SUN3: variants seen among roughly 807,000 people sequenced by gnomAD.
SUN3 encodes SUN domain-containing protein 3.
In SUN3, 36 loss-of-function variants were observed where a neutral mutation model predicts 48.2. That is an observed-to-expected ratio of 0.75 (90% CI 0.57 to 0.99). SUN3 has a LOEUF of 0.99. Among genes scored for constraint, SUN3 ranks in the 50% least tolerant of loss-of-function variants. SUN3 has a pLI of 0.00. For missense variants in SUN3, 419 were observed against 433.1 expected, an observed-to-expected ratio of 0.97 and a Z score of 0.29; for synonymous variants, 148 against 147.9, an observed-to-expected ratio of 1.00 and a Z score of 0.00.
chr7:47,991,967 A>C (rs1230955833), intron 8 of SUN3, among the ~76,000 whole-genome samples: 1 of 152,028 alleles, frequency 6.6e-6, no homozygotes, highest in Non-Finnish European at 1.5e-5. Flanking sequence ...AGAACCGCCC[A>C]CAAGAGCATG....
At chr7:48,014,926 C>T in intron 3 of SUN3, among the ~76,000 whole-genome samples, 1 of 152,102 alleles carries the variant, frequency 6.6e-6, no homozygotes, top group East Asian at 1.9e-4. Flanking sequence ...GAATCTCATT[C>T]TTTATTCTTA....
intron 5 of SUN3, among the ~76,000 whole-genome samples, chr7:48,006,257 T>A (rs1789522583): frequency 6.6e-6 from 1 of 151,886 alleles, no homozygotes; most frequent in Non-Finnish European, 1.5e-5. Flanking sequence ...AGGAATACGG[T>A]GTAAATAAAG....
upstream of SUN3, among the ~76,000 whole-genome samples, chr7:48,030,005 T>C (rs1001471532): frequency 6.6e-6 from 1 of 152,102 alleles, no homozygotes; most frequent in African/African-American, 2.4e-5. Flanking sequence ...ACTCAGAGAG[T>C]CTTTTCAATT....
At chr7:48,004,180 T>A (rs1344082113) in intron 6 of SUN3, among the ~76,000 whole-genome samples, 3 of 152,206 alleles carry the variant, frequency 2.0e-5, no homozygotes, top group Non-Finnish European at 4.4e-5. Flanking sequence ...AATTCCAACA[T>A]CTGTGTCATG....
chr7:48,010,493 T>A (rs951799789), intron 3 of SUN3, among the ~76,000 whole-genome samples: 1 of 152,220 alleles, frequency 6.6e-6, no homozygotes, highest in Non-Finnish European at 1.5e-5. Flanking sequence ...GGCAGTATCT[T>A]TGACTATGTG....
chr7:48,005,428 C>T (rs11766891), intron 6 of SUN3, among the ~76,000 whole-genome samples: 51,771 of 152,082 alleles, frequency 0.34, 9,650 homozygotes, highest in Middle Eastern at 0.53. Flanking sequence ...TATTTCCATT[C>T]TCCTTCTGTC....
At chr7:47,988,572 A>G (rs1788963050) in intron 9 of SUN3, among the ~76,000 whole-genome samples, 1 of 152,234 alleles carries the variant, frequency 6.6e-6, no homozygotes, top group Admixed American at 6.5e-5. Context: ...ATAGCAGATG[A>G]GGAAGAATTT....
At chr7:48,005,926 C>CTT in intron 6 of SUN3, 43 bp downstream of exon 6, 50 of 1,110,446 alleles carry the variant, frequency 4.5e-5, no homozygotes, top group South Asian at 7.9e-5. Flanking sequence ...CTGAAGCATT[C>CTT]TTTTTTTTTT....
intron 3 of SUN3, among the ~76,000 whole-genome samples, chr7:48,013,311 A>T (rs1472066844): frequency 6.6e-6 from 1 of 152,200 alleles, no homozygotes; most frequent in Non-Finnish European, 1.5e-5. Context: ...CTTACTGAAA[A>T]GTCATTTCGA....
chr7:48,025,387 G>A (rs1287938056), intron 2 of SUN3, among the ~76,000 whole-genome samples: 1 of 152,090 alleles, frequency 6.6e-6, no homozygotes, highest in Non-Finnish European at 1.5e-5. Flanking sequence ...CATGCCTTAA[G>A]TTGTGAATAT....
At position 47,994,329 on chromosome 7, in the gene SUN3, C is replaced by A. The variant is rs369258450; in HGVS notation, c.847G>T (p.Glu283Ter). Residue 283 changes from glutamate to a stop codon, truncating the protein, a stop_gained, in exon 8 of 10, where the codon GAA becomes TAA. Coordinates refer to ENST00000297325, the MANE Select transcript of SUN3 (RefSeq NM_001030019.2). LOFTEE classifies it high-confidence loss of function. ...PSGNISSAPK[E>*]FSVYGITKKC... is the part of the protein sequence containing the mutation. ...TAGCTTCTTACATAGACAGAAAATT[C>A]CTTGGGTGCACTGGAGATGTTTCCT... is the stretch of plus-strand genomic sequence containing the variant. The A allele has an allele frequency of 6.2e-7, 1 of 1,612,966 alleles. No homozygotes were observed. The highest frequency in any genetic ancestry group is 2.2e-5 in the East Asian group (1 of 44,848).
intron 8 of SUN3, among the ~76,000 whole-genome samples, chr7:47,991,652 A>C (rs980607403): frequency 6.6e-6 from 1 of 152,288 alleles, no homozygotes; most frequent in African/African-American, 2.4e-5. Flanking sequence ...AGAAAAACCA[A>C]AAAGTGAAGA....
chr7:48,013,955 A>T (rs1789744327), intron 3 of SUN3, among the ~76,000 whole-genome samples: 1 of 152,204 alleles, frequency 6.6e-6, no homozygotes, highest in Admixed American at 6.5e-5. Context: ...CCTTAGAAAC[A>T]CGGCCATAGT....
chr7:48,017,214 A>G (rs767336336), intron 3 of SUN3, 48 bp downstream of exon 3: 1 of 980,306 alleles, frequency 1.0e-6, no homozygotes, highest in South Asian at 1.4e-5. Context: ...CTTGTAGCAT[A>G]TTAAACTTTA....
chr7:48,011,444 C>T (rs1301943304), intron 3 of SUN3, among the ~76,000 whole-genome samples: 1 of 152,204 alleles, frequency 6.6e-6, no homozygotes, highest in Non-Finnish European at 1.5e-5. Flanking sequence ...TGAACAATTA[C>T]ACTTCTTATA....
chr7:47,992,400 AT>A (rs1355672946), intron 8 of SUN3, among the ~76,000 whole-genome samples: 3 of 152,354 alleles, frequency 2.0e-5, no homozygotes, highest in Admixed American at 6.5e-5. Flanking sequence ...AAAGAAAAAA[AT>A]ATAGGCTCTA....
intron 4 of SUN3, among the ~76,000 whole-genome samples, chr7:48,007,647 A>G (rs1488834829): frequency 6.6e-6 from 1 of 152,094 alleles, no homozygotes; most frequent in African/African-American, 2.4e-5. Context: ...TCCCACTGTT[A>G]CCTTTCCAAT....
chr7:48,005,888 T>A, intron 6 of SUN3, 81 bp downstream of exon 6: 2 of 794,074 alleles, frequency 2.5e-6, no homozygotes, highest in Non-Finnish European at 3.9e-6. Flanking sequence ...GTTTTCCTCA[T>A]AAACAAATGT....
rs1789548508 is a variant in SUN3, at chr7:48,007,194, CTCCATGGGTGT to C, written c.452_462del (p.Asn151ArgfsTer21). On this transcript the variant is annotated frameshift_variant, in exon 5 of 10. Transcript: ENST00000297325. LOFTEE classifies it high-confidence loss of function. ...GTGTGGTCCGGGTCCTCCACAGGGT[CTCCATGGGTGT>C]TCCAGTTGTGATTATTGTCCATACC... The C allele has an allele frequency of 1.2e-6, 2 of 1,612,122 alleles. 1 individual carries two copies. The highest frequency in any genetic ancestry group is 2.2e-5 in the South Asian group (2 of 91,054).
Sources: allele counts gnomAD v4.1 joint callset (sites outside exome capture counted in the v4.1 genomes callset), GRCh38; gene constraint gnomAD v4.1.1; transcripts MANE v1.5; gene names NCBI Gene and HGNC (gene_info 2026-07-23, HGNC 2026-07-21).